The following CEP170 variants were observed in gnomAD, a reference collection of about 807,000 sequenced individuals.
The protein encoded by CEP170 is centrosomal protein of 170 kDa.
Under a neutral mutation model 151.9 loss-of-function variants are expected in CEP170, and 21 were observed. The observed-to-expected ratio is 0.14, with a 90% confidence interval of 0.10 to 0.20. The LOEUF (loss-of-function observed/expected upper bound fraction) is 0.20, where lower values mean the gene tolerates loss of function less well. Among genes scored for constraint, CEP170 ranks in the 10% least tolerant of loss-of-function variants. CEP170 has a pLI of 1.00. For missense variants in CEP170, 964 were observed against 1,892.9 expected, an observed-to-expected ratio of 0.51 and a Z score of 9.11; for synonymous variants, 356 against 648.8, an observed-to-expected ratio of 0.55 and a Z score of 6.86.
intron 17 of CEP170, among the ~76,000 whole-genome samples, chr1:243,131,222 T>C (rs557953873): frequency 1.3e-5 from 2 of 152,226 alleles, no homozygotes; most frequent in African/African-American, 4.8e-5. Flanking sequence ...CCAGGCACAA[T>C]AGCTCATGCC....
At chr1:243,181,953 C>G (rs1489691973) in intron 10 of CEP170, among the ~76,000 whole-genome samples, 5 of 152,148 alleles carry the variant, frequency 3.3e-5, no homozygotes, top group African/African-American at 1.2e-4. Flanking sequence ...TATTCAATTA[C>G]TGCTATGGTT....
At chr1:243,171,984 G>A (rs953080538) in intron 11 of CEP170, among the ~76,000 whole-genome samples, 1 of 152,126 alleles carries the variant, frequency 6.6e-6, no homozygotes, top group African/African-American at 2.4e-5. Flanking sequence ...GGGCTGTACT[G>A]TATTTGCAGT....
chr1:243,134,501 C>T (rs1359913599), intron 17 of CEP170, among the ~76,000 whole-genome samples: 2 of 151,856 alleles, frequency 1.3e-5, no homozygotes, highest in African/African-American at 4.8e-5. Context: ...TTTAAACATT[C>T]TATTGCTGTT....
chr1:243,136,013 A>T (rs2055029085), intron 17 of CEP170, 130 bp downstream of exon 17: 1 of 1,426,684 alleles, frequency 7.0e-7, no homozygotes, highest in Non-Finnish European at 9.5e-7. Context: ...GTAGTACTGG[A>T]TAGATATTTA....
intron 1 of CEP170, among the ~76,000 whole-genome samples, chr1:243,237,525 G>T (rs2064361937): frequency 6.6e-6 from 1 of 152,122 alleles, no homozygotes; most frequent in South Asian, 2.1e-4. Context: ...CAGAATAGCT[G>T]ATAAAATAAT....
At chr1:243,228,590 A>C (rs1041393434) in intron 1 of CEP170, among the ~76,000 whole-genome samples, 6 of 152,234 alleles carry the variant, frequency 3.9e-5, no homozygotes, top group African/African-American at 1.4e-4. Context: ...CAACATGAAT[A>C]AACAGGTCAA....
intron 1 of CEP170, among the ~76,000 whole-genome samples, chr1:243,242,843 G>C (rs952235411): frequency 6.6e-6 from 1 of 152,136 alleles, no homozygotes; most frequent in East Asian, 1.9e-4. Flanking sequence ...CAGGATTACA[G>C]GCATGCGCCA....
chr1:243,246,162 T>C (rs1197819602), intron 1 of CEP170, among the ~76,000 whole-genome samples: 1 of 149,576 alleles, frequency 6.7e-6, no homozygotes, highest in African/African-American at 2.5e-5. Flanking sequence ...TTTGTTGAAA[T>C]CAAAGAAAAA....
chr1:243,189,362 C>G (rs1020273421), intron 8 of CEP170, among the ~76,000 whole-genome samples: 2 of 151,960 alleles, frequency 1.3e-5, no homozygotes, highest in Admixed American at 1.3e-4. Flanking sequence ...CAAGACCATC[C>G]TGGCTAACAC....
In CEP170 at chr1:243,159,763, TTGTGTG is replaced by T. The variant is rs565534328; in HGVS notation, c.3677-3314_3677-3309del. Reference sequence around the variant, plus strand: ...ACATTCTACATTTTTGTTTCCGGTTTTGTGTGTGTGTGTGTGTGTGTGTGTGTGTGT... The same window carrying T: ...ACATTCTACATTTTTGTTTCCGGTTTTGTGTGTGTGTGTGTGTGTGTGTGT... On this transcript the variant is annotated intron_variant, in intron 13 of 19. Transcript: ENST00000366542. 3.4e-4 allele frequency among the ~76,000 whole-genome samples: 43 copies of T among 127,162 alleles called. No homozygotes were observed. In the South Asian group the frequency reaches 4.9e-3, roughly 15 times the overall value. The allele number at this position is 127,162 out of a possible 152,430, so 83.4% of individuals were successfully genotyped here.
chr1:243,191,164 C>A lies in CEP170; in HGVS notation c.962G>T (p.Gly321Val). The A allele has an allele frequency of 6.2e-7, 1 of 1,612,440 alleles. No individual in the cohort carries two copies. The highest frequency in any genetic ancestry group is 8.5e-7 in the Non-Finnish European group (1 of 1,179,226). Residue 321 changes from glycine (G) to valine (V), a missense_variant, in exon 8 of 20, where the codon GGG (glycine) becomes GTG (valine). Gly to Val is a moderately radical substitution (Grantham distance 109). Transcript: ENST00000366542. ...GGGTGCCATCATTCCTGTTTGAATC[C>A]CCAGCAAGTCTTGAGTTCCAGGAGA... ...KSSPGTQDLL[G>V]IQTGMMAPEN... is the part of the protein sequence containing the mutation.
intron 11 of CEP170, 57 bp downstream of exon 11, chr1:243,172,640 A>C (rs1374160752): frequency 7.8e-7 from 1 of 1,285,826 alleles, no homozygotes; most frequent in East Asian, 3.0e-5. Flanking sequence ...TCAGACAAGA[A>C]AAAAAAAAGA....
At position 243,164,544 on chromosome 1, in the gene CEP170, G is replaced by A. The variant is rs1018600053; in HGVS notation, c.3416C>T (p.Thr1139Ile). The A allele has an allele frequency of 4.3e-6, 7 of 1,613,092 alleles. No homozygotes were observed. In the African/African-American group the frequency reaches 9.3e-5, roughly 22 times the overall value. The change falls in exon 13 of 20, where the codon ACA (threonine) becomes ATA (isoleucine). Residue 1139 changes from threonine to isoleucine, a missense_variant. Transcript: ENST00000366542. ...AATCCGAGAGATGTTACGCCTTCCTGTGGGAGGTTTTGATGTAGAACTTGT... is the reference window on the plus strand; with the variant it reads ...AATCCGAGAGATGTTACGCCTTCCTATGGGAGGTTTTGATGTAGAACTTGT... ...STTSSTSKPPTGRRNISRIDL... is the reference protein window; with the variant it reads ...STTSSTSKPPIGRRNISRIDL...
At chr1:243,139,765 A>G (rs1442867971) in intron 16 of CEP170, among the ~76,000 whole-genome samples, 172 bp downstream of exon 16, 2 of 152,154 alleles carry the variant, frequency 1.3e-5, no homozygotes, top group Admixed American at 1.3e-4. Context: ...TATTTTCGCT[A>G]ACCTCTAAGT....
At chr1:243,159,991 G>T (rs1160254510) in intron 13 of CEP170, among the ~76,000 whole-genome samples, 12 of 152,108 alleles carry the variant, frequency 7.9e-5, no homozygotes, top group Admixed American at 2.6e-4. Context: ...GTTTCACCAT[G>T]TTGGCCAGGC....
chr1:243,241,400 CATG>C (rs977635640), intron 1 of CEP170, among the ~76,000 whole-genome samples: 2 of 152,260 alleles, frequency 1.3e-5, no homozygotes, highest in African/African-American at 4.8e-5. Flanking sequence ...TGAATTAAAA[CATG>C]ATAAGAATGC....
At chr1:243,193,256 A>G (rs1382094056) in intron 7 of CEP170, among the ~76,000 whole-genome samples, 3 of 151,856 alleles carry the variant, frequency 2.0e-5, no homozygotes, top group South Asian at 2.1e-4. Flanking sequence ...TTATTTTTCT[A>G]TTTTTTCAGA....
At chr1:243,139,046 G>C (rs2055483192) in intron 16 of CEP170, among the ~76,000 whole-genome samples, 1 of 151,858 alleles carries the variant, frequency 6.6e-6, no homozygotes, top group Non-Finnish European at 1.5e-5. Context: ...GCGTTTCTCT[G>C]AATGCTTGTT....
chr1:243,127,472 T>C (rs901236553), intron 19 of CEP170, among the ~76,000 whole-genome samples: 3 of 152,176 alleles, frequency 2.0e-5, no homozygotes, highest in Non-Finnish European at 4.4e-5. Context: ...GTAAGAATCA[T>C]GTAGAAGGGA....
Sources: gnomAD v4.1 joint callset for allele counts (sites outside exome capture counted in the v4.1 genomes callset) on GRCh38, gnomAD v4.1.1 for gene constraint, MANE v1.5 for transcripts, NCBI Gene and HGNC (gene_info 2026-07-23, HGNC 2026-07-21) for gene names.